Variants in KANK1 observed in about 807,000 individuals in gnomAD.
KANK1 encodes the protein KN motif and ankyrin repeat domain-containing protein 1.
Under a neutral mutation model 106.2 loss-of-function variants are expected in KANK1, and 109 were observed. That is an observed-to-expected ratio of 1.03 (90% CI 0.88 to 1.20). KANK1 has a LOEUF of 1.20. Ranked by LOEUF, KANK1 falls within the 50% of genes most tolerant of loss-of-function variation. KANK1 has a pLI of 0.00. For missense variants in KANK1, 2,399 were observed against 1,710.7 expected, an observed-to-expected ratio of 1.40 and a Z score of -7.10; for synonymous variants, 873 against 652.2, an observed-to-expected ratio of 1.34 and a Z score of -5.16.
intron 1 of KANK1, among the ~76,000 whole-genome samples, chr9:640,654 C>T (rs1838212459): frequency 6.6e-6 from 1 of 151,872 alleles, no homozygotes; most frequent in Non-Finnish European, 1.5e-5. Flanking sequence ...GCCTCGGCCT[C>T]CCCAAGTGCT....
At chr9:615,605 G>A (rs1214676695) in intron 1 of KANK1, among the ~76,000 whole-genome samples, 1 of 152,144 alleles carries the variant, frequency 6.6e-6, no homozygotes. Flanking sequence ...CAGTCCCATA[G>A]TATATCCTTT....
intron 1 of KANK1, among the ~76,000 whole-genome samples, chr9:645,849 A>T (rs1232267386): frequency 6.6e-6 from 1 of 150,908 alleles, no homozygotes; most frequent in African/African-American, 2.5e-5. Context: ...TGTGTATATT[A>T]TATATATATG....
At chr9:580,029 G>C (rs942049340) in intron 1 of KANK1, among the ~76,000 whole-genome samples, 9 of 152,130 alleles carry the variant, frequency 5.9e-5, no homozygotes, top group Admixed American at 4.6e-4. Flanking sequence ...AGACCCTTGC[G>C]GTGAGTGTTA....
chr9:656,629 C>T (rs895435712), intron 1 of KANK1, among the ~76,000 whole-genome samples: 5 of 152,138 alleles, frequency 3.3e-5, no homozygotes, highest in Admixed American at 6.5e-5. Flanking sequence ...TACTCCCTCC[C>T]GGTGCCTGAA....
intron 2 of KANK1, among the ~76,000 whole-genome samples, chr9:690,891 C>T (rs1056569226): frequency 1.3e-5 from 2 of 152,352 alleles, no homozygotes; most frequent in Admixed American, 6.5e-5. Flanking sequence ...TTCCTTTTCT[C>T]ACTGGGCGTC....
At position 692,065 on chromosome 9, in the gene KANK1, G is replaced by T. The variant is rs547202640; in HGVS notation, c.37+15056G>T. Among the ~76,000 whole-genome samples, 4 of 151,132 alleles carry T rather than the reference G, an allele frequency of 2.6e-5. No individual in the cohort carries two copies. In the East Asian group the frequency reaches 5.8e-4, roughly 22 times the overall value. ...TAAAACAGAGATCAACAAAGATGAC[G>T]GATGACTCTAAATAGCCTGTTTTGT... On this transcript the variant is annotated intron_variant, in intron 2 of 11. Coordinates refer to ENST00000382297, the MANE Select transcript of KANK1 (RefSeq NM_015158.5).
chr9:491,246 C>G (rs775291627), intron 3 of KANK1, among the ~76,000 whole-genome samples: 2 of 151,668 alleles, frequency 1.3e-5, no homozygotes, highest in Admixed American at 1.3e-4. Flanking sequence ...CACATGTAAA[C>G]CACCGTGCCC....
intron 1 of KANK1, among the ~76,000 whole-genome samples, chr9:597,510 T>C (rs550773573): frequency 6.6e-6 from 1 of 151,832 alleles, no homozygotes; most frequent in East Asian, 1.9e-4. Context: ...ATATCTTCTT[T>C]GGAGACATGT....
At chr9:497,314 T>C (rs541756420) in intron 3 of KANK1, among the ~76,000 whole-genome samples, 1 of 152,268 alleles carries the variant, frequency 6.6e-6, no homozygotes, top group South Asian at 2.1e-4. Flanking sequence ...GCCTCCAAGG[T>C]TGGCGTTGGA....
At chr9:700,318 T>G (rs188896295) in intron 2 of KANK1, among the ~76,000 whole-genome samples, 53 of 152,340 alleles carry the variant, frequency 3.5e-4, no homozygotes, top group Middle Eastern at 3.4e-3. Context: ...CTCACACAAA[T>G]TTGATACAGG....
intron 2 of KANK1, among the ~76,000 whole-genome samples, chr9:690,757 A>AGT (rs2139456444): frequency 6.6e-6 from 1 of 152,304 alleles, no homozygotes; most frequent in African/African-American, 2.4e-5. Context: ...AATCCTGTTA[A>AGT]GTGTAAGAAC....
At chr9:568,165 A>G (rs1018391671) in intron 1 of KANK1, among the ~76,000 whole-genome samples, 15 of 152,230 alleles carry the variant, frequency 9.9e-5, no homozygotes, top group Non-Finnish European at 1.9e-4. Flanking sequence ...GGTTATAACC[A>G]CTACCTTATC....
At chr9:710,767 T>C in intron 2 of KANK1, 37 bp from the exon 3 acceptor site, 1 of 1,529,294 alleles carries the variant, frequency 6.5e-7, no homozygotes, top group Non-Finnish European at 8.8e-7. Context: ...TTAGGTGTAT[T>C]GCATGTCATT....
At chr9:516,545 G>T (rs1184912379) in intron 1 of KANK1, among the ~76,000 whole-genome samples, 1 of 151,648 alleles carries the variant, frequency 6.6e-6, no homozygotes, top group African/African-American at 2.4e-5. Context: ...ATTAGAGTCA[G>T]TGGGGAGGGA....
rs1034672904 is a variant in KANK1, at chr9:745,946, A to T, written c.*711A>T. On this transcript the variant is annotated 3_prime_UTR_variant, in exon 12 of 12. Coordinates refer to ENST00000382297, the MANE Select transcript of KANK1 (RefSeq NM_015158.5). The stretch of plus-strand genomic sequence containing the variant: ...CTAAAGGTTGGATTGTGTTAGAGGA[A>T]TCGGCTCTGTATTTGCCTCTAGAGA... 5 of 152,628 alleles carry T rather than the reference A, an allele frequency of 3.3e-5. No individual in the cohort carries two copies. The highest frequency in any genetic ancestry group is 1.2e-4 in the African/African-American group (5 of 41,450). The allele number at this position is 152,628 out of a possible 1,614,324, so 9.5% of individuals were successfully genotyped here. A position where few individuals can be genotyped will look rare whatever the true frequency, so the allele number is the denominator to read the frequency against.
At chr9:513,974 G>A (rs563606797) in intron 1 of KANK1, among the ~76,000 whole-genome samples, 4 of 152,116 alleles carry the variant, frequency 2.6e-5, no homozygotes, top group Non-Finnish European at 4.4e-5. Context: ...TCAAAATCAC[G>A]CCGCTGCATT....
intron 1 of KANK1, among the ~76,000 whole-genome samples, chr9:676,149 C>T (rs1284064961): frequency 1.3e-5 from 2 of 152,158 alleles, no homozygotes; most frequent in East Asian, 1.9e-4. Flanking sequence ...TCTTTGTGAC[C>T]TGTATCTTGT....
Position 604,979 on chromosome 9 carries a change from C to T in KANK1, c.-83-71911C>T, listed in dbSNP as rs554572437. Among the ~76,000 whole-genome samples, 60 of 151,924 alleles carry T rather than the reference C, an allele frequency of 3.9e-4. 4 individuals are homozygous for T. Among genetic ancestry groups the T allele is most frequent in the African/African-American group, 1.4e-3 (58 of 41,200 alleles). ...ACTAATGCAATTGGGCAATGTCTGA[C>T]AGTTTGCAAATACCATCTCATTTGT... is the stretch of plus-strand genomic sequence containing the variant. On this transcript the variant is annotated intron_variant, in intron 1 of 11. Transcript: ENST00000382297.
intron 3 of KANK1, among the ~76,000 whole-genome samples, chr9:480,100 A>G (rs1262392301): frequency 6.6e-6 from 1 of 152,268 alleles, no homozygotes; most frequent in Non-Finnish European, 1.5e-5. Flanking sequence ...CCATCTGGTA[A>G]ATAATTGCCG....
Sources: gnomAD v4.1 joint callset for allele counts (sites outside exome capture counted in the v4.1 genomes callset) on GRCh38, gnomAD v4.1.1 for gene constraint, MANE v1.5 for transcripts, NCBI Gene and HGNC (gene_info 2026-07-23, HGNC 2026-07-21) for gene names.